The following EYA4 variants were observed in gnomAD, a reference collection of about 807,000 sequenced individuals.
EYA4 encodes the protein EYA transcriptional coactivator and phosphatase 4, also known as protein phosphatase EYA4.
EYA4 carries 31 observed loss-of-function variants against 87.9 expected under a neutral mutation model. The observed-to-expected ratio is 0.35, with a 90% confidence interval of 0.27 to 0.48. EYA4 has a LOEUF of 0.48. Among genes scored for constraint, EYA4 ranks in the 20% least tolerant of loss-of-function variants. EYA4 has a pLI of 0.99. For missense variants in EYA4, 678 were observed against 761.4 expected, an observed-to-expected ratio of 0.89 and a Z score of 1.29; for synonymous variants, 263 against 270.6, an observed-to-expected ratio of 0.97 and a Z score of 0.28.
chr6:133,284,948 C>T (rs982720895), intron 2 of EYA4, among the ~76,000 whole-genome samples: 5 of 150,386 alleles, frequency 3.3e-5, no homozygotes, highest in South Asian at 2.1e-4. Flanking sequence ...GAAGTGCTTG[C>T]GGGCAGGGTA....
At chr6:133,514,153 A>G (rs1489064421) in intron 16 of EYA4, among the ~76,000 whole-genome samples, 1 of 152,162 alleles carries the variant, frequency 6.6e-6, no homozygotes, top group Non-Finnish European at 1.5e-5. Flanking sequence ...TATGGAAGAC[A>G]TTCATTTCCA....
intron 1 of EYA4, among the ~76,000 whole-genome samples, chr6:133,273,529 TA>T (rs1224112634): frequency 1.3e-5 from 2 of 152,216 alleles, no homozygotes; most frequent in Non-Finnish European, 2.9e-5. Flanking sequence ...TAGATTGTAA[TA>T]CTCTTTTCCA....
At chr6:133,349,818 A>G (rs562541566) in intron 2 of EYA4, among the ~76,000 whole-genome samples, 1 of 152,296 alleles carries the variant, frequency 6.6e-6, no homozygotes, top group African/African-American at 2.4e-5. Flanking sequence ...CCAGCAATTC[A>G]TAAATATCGA....
chr6:133,414,500 T>A (rs372219541), intron 3 of EYA4, among the ~76,000 whole-genome samples: 9 of 152,342 alleles, frequency 5.9e-5, no homozygotes, highest in East Asian at 3.9e-4. Context: ...TATCTATAGA[T>A]GTTATTTAAA....
At chr6:133,419,942 T>C (rs909843092) in intron 3 of EYA4, among the ~76,000 whole-genome samples, 1 of 152,192 alleles carries the variant, frequency 6.6e-6, no homozygotes, top group Non-Finnish European at 1.5e-5. Flanking sequence ...TTTATGCTAT[T>C]AGTTTTGCTT....
intron 5 of EYA4, among the ~76,000 whole-genome samples, chr6:133,449,631 C>T (rs372092157): frequency 3.9e-5 from 6 of 152,278 alleles, no homozygotes. Context: ...GCTGTGTCAC[C>T]TTGAACAAGT....
intron 1 of EYA4, among the ~76,000 whole-genome samples, chr6:133,250,211 A>G (rs886670591): frequency 3.3e-5 from 5 of 152,192 alleles, no homozygotes; most frequent in Admixed American, 3.3e-4. Flanking sequence ...GAATGTAGAA[A>G]TGTGTTTATT....
chr6:133,485,520 G>T (rs901769505), intron 13 of EYA4, among the ~76,000 whole-genome samples: 4 of 152,176 alleles, frequency 2.6e-5, no homozygotes, highest in Non-Finnish European at 4.4e-5. Context: ...GAGTCCTGGG[G>T]CCCCAGATTC....
chr6:133,463,248 GC>G (rs1794554174), intron 9 of EYA4, among the ~76,000 whole-genome samples: 1 of 151,196 alleles, frequency 6.6e-6, no homozygotes, highest in Non-Finnish European at 1.5e-5. Context: ...ATACTATATT[GC>G]TTAATAGGAC....
intron 2 of EYA4, among the ~76,000 whole-genome samples, chr6:133,294,366 T>A (rs1240815226): frequency 6.7e-6 from 1 of 149,264 alleles, no homozygotes; most frequent in Non-Finnish European, 1.5e-5. Flanking sequence ...TTTGTTTTTG[T>A]TTTTTTTGTT....
chr6:133,500,732 A>G (rs1255252454), intron 13 of EYA4, among the ~76,000 whole-genome samples: 2 of 151,842 alleles, frequency 1.3e-5, no homozygotes, highest in African/African-American at 4.8e-5. Flanking sequence ...TCCTGAAAGG[A>G]CTTCTTTCGC....
At chr6:133,453,182 A>G in intron 5 of EYA4, 1 of 152,098 alleles carries the variant, frequency 6.6e-6, no homozygotes, top group African/African-American at 2.4e-5. Flanking sequence ...TAGTAGTAAT[A>G]AGACTAGATT....
chr6:133,404,704 A>G (rs1323690984), intron 3 of EYA4, among the ~76,000 whole-genome samples: 2 of 152,232 alleles, frequency 1.3e-5, no homozygotes, highest in African/African-American at 4.8e-5. Flanking sequence ...CTTCCTATGC[A>G]TTTAGTTATC....
chr6:133,358,446 C>G (rs144832861), intron 2 of EYA4, among the ~76,000 whole-genome samples: 311 of 152,244 alleles, frequency 2.0e-3, no homozygotes, highest in African/African-American at 7.3e-3. Context: ...GGAAATGCAT[C>G]TATAAAGTCA....
intron 7 of EYA4, chr6:133,462,069 G>A: frequency 2.1e-6 from 1 of 468,526 alleles, no homozygotes; most frequent in South Asian, 2.1e-5. Context: ...AAGAGACACA[G>A]GTGTAAAATC....
intron 3 of EYA4, among the ~76,000 whole-genome samples, chr6:133,443,878 T>C (rs380367): frequency 0.88 from 133,583 of 152,074 alleles, 58,820 homozygotes; most frequent in South Asian, 0.93. Context: ...GGTCAGATAC[T>C]ATACCCTGTG....
intron 1 of EYA4, among the ~76,000 whole-genome samples, chr6:133,273,332 C>A (rs905620922): frequency 6.6e-6 from 1 of 151,856 alleles, no homozygotes; most frequent in South Asian, 2.1e-4. Flanking sequence ...GCTTTATATT[C>A]GCTGGCAGCT....
At chr6:133,430,588 A>G (rs1791099081) in intron 3 of EYA4, among the ~76,000 whole-genome samples, 1 of 152,214 alleles carries the variant, frequency 6.6e-6, no homozygotes, top group African/African-American at 2.4e-5. Context: ...ATACTGGAGA[A>G]ATTTCTTATA....
At chr6:133,319,840 C>G (rs1426899227) in intron 2 of EYA4, among the ~76,000 whole-genome samples, 2 of 151,984 alleles carry the variant, frequency 1.3e-5, no homozygotes, top group African/African-American at 2.4e-5. Context: ...CTCAGCCCCC[C>G]AGAGTAGCTG....
Sources: allele counts gnomAD v4.1 joint callset (sites outside exome capture counted in the v4.1 genomes callset), GRCh38; gene constraint gnomAD v4.1.1; transcripts MANE v1.5; gene names NCBI Gene and HGNC (gene_info 2026-07-23, HGNC 2026-07-21).